ARHGAP40: variants seen among roughly 807,000 people sequenced by gnomAD.
The protein encoded by ARHGAP40 is Rho GTPase activating protein 40.
In ARHGAP40, 43 loss-of-function variants were observed where a neutral mutation model predicts 73.5. The observed-to-expected ratio is 0.58, with a 90% CI of 0.46 to 0.75. ARHGAP40 has a LOEUF of 0.75. ARHGAP40 is among the 30% of genes least tolerant of loss of function. ARHGAP40 has a pLI of 0.00. For synonymous variants in ARHGAP40, 300 were observed against 352.8 expected (o/e 0.85, Z 1.68); for missense variants, 734 against 861.8 (o/e 0.85, Z 1.86).
intron 10 of ARHGAP40, among the ~76,000 whole-genome samples, chr20:38,642,787 A>G (rs1424429536): frequency 1.3e-5 from 2 of 152,076 alleles, no homozygotes; most frequent in South Asian, 4.1e-4. Flanking sequence ...CTTACTGGCT[A>G]TATGACTCTT....
chr20:38,607,212 A>G (rs559354051), intron 1 of ARHGAP40, among the ~76,000 whole-genome samples: 8 of 152,332 alleles, frequency 5.3e-5, no homozygotes, highest in African/African-American at 1.9e-4. Context: ...TTGGCATAGC[A>G]GAAAAATTTG....
intron 1 of ARHGAP40, among the ~76,000 whole-genome samples, chr20:38,620,756 C>G (rs2088869549): frequency 6.6e-6 from 1 of 152,172 alleles, no homozygotes; most frequent in Admixed American, 6.5e-5. Flanking sequence ...GAGGTTGTGC[C>G]CTGTCCCTTC....
chr20:38,646,214 G>A lies in ARHGAP40; in HGVS notation c.1710+27G>A, dbSNP rs774374276. The A allele has an allele frequency of 3.5e-5, 45 of 1,285,124 alleles. No individual in the cohort carries two copies. Among genetic ancestry groups the A allele is most frequent in the Non-Finnish European group, 4.3e-5 (42 of 976,636 alleles). 79.6% of individuals were successfully genotyped at this position (1,285,124 alleles called of 1,614,324 possible). On this transcript the variant is annotated intron_variant, in intron 12 of 14. Coordinates refer to ENST00000373345, the Ensembl canonical transcript of ARHGAP40. This position sits in a 1 kb window ranked among gnomAD's most constrained non-coding sequence, Gnocchi z 4.5. ...TGAGTGCCCCCGACCCCAGACAGGTGGAGAAGGGCCGAGGCGACAGGAGGG... is the reference window on the plus strand; with the variant it reads ...TGAGTGCCCCCGACCCCAGACAGGTAGAGAAGGGCCGAGGCGACAGGAGGG...
intron 7 of ARHGAP40, among the ~76,000 whole-genome samples, chr20:38,638,271 C>T (rs1268704752): frequency 2.6e-5 from 4 of 151,806 alleles, no homozygotes; most frequent in Non-Finnish European, 5.9e-5. Flanking sequence ...GCCGAGATCG[C>T]GCCACTGCAC....
At chr20:38,623,754 C>T (rs895418566) in intron 2 of ARHGAP40, among the ~76,000 whole-genome samples, 196 bp downstream of exon 2, 2 of 152,192 alleles carry the variant, frequency 1.3e-5, no homozygotes, top group African/African-American at 4.8e-5. Context: ...ATAGTCAAGA[C>T]GATCTTTTAG....
intron 5 of ARHGAP40, among the ~76,000 whole-genome samples, chr20:38,634,001 G>A (rs760036294): frequency 2.4e-4 from 37 of 152,184 alleles, no homozygotes; most frequent in African/African-American, 6.3e-4. Context: ...TTGGGGCTTC[G>A]CTATGTGCTT....
intron 2 of ARHGAP40, 41 bp downstream of exon 2, chr20:38,623,599 G>A: frequency 8.0e-7 from 1 of 1,243,054 alleles, no homozygotes; most frequent in Non-Finnish European, 1.0e-6. Flanking sequence ...TGGTGGGAGG[G>A]CTTGATTCCA....
intron 1 of ARHGAP40, among the ~76,000 whole-genome samples, chr20:38,619,227 G>A (rs1381964154): frequency 6.6e-6 from 1 of 152,120 alleles, no homozygotes; most frequent in East Asian, 1.9e-4. Context: ...AAGGCATTTG[G>A]ATTTTATCCT....
intron 1 of ARHGAP40, among the ~76,000 whole-genome samples, chr20:38,606,961 A>T (rs1601131346): frequency 1.3e-5 from 2 of 152,204 alleles, no homozygotes; most frequent in African/African-American, 4.8e-5. Context: ...GAAGTTACTT[A>T]ACCTTTCTGA....
At chr20:38,648,613 G>T in intron 13 of ARHGAP40, 30 bp from the exon 14 acceptor site, 1 of 1,072,010 alleles carries the variant, frequency 9.3e-7, no homozygotes, top group Admixed American at 2.7e-5. Flanking sequence ...AAAGGCAGTA[G>T]TTTTTTTTTT....
rs186207347 is a variant in ARHGAP40 at position 38,603,823 on chromosome 20, G to A, written c.137+1744G>A. Among the ~76,000 whole-genome samples the A allele has an allele frequency of 1.2e-4, 18 of 152,224 alleles. No individual in the cohort carries two copies. The East Asian group carries it at 2.3e-3, about 20-fold the overall frequency. ...ATTCCTTGGCTGATGGTCCTCTTCC[G>A]TCTTCAAAGGCAGCTCTGTAACATC... On this transcript the variant is annotated intron_variant, in intron 1 of 14. Coordinates refer to ENST00000373345, the Ensembl canonical transcript of ARHGAP40.
intron 13 of ARHGAP40, 22 bp downstream of exon 13, chr20:38,647,148 C>A: frequency 7.7e-7 from 1 of 1,298,296 alleles, no homozygotes. Context: ...CTCCTGGAGG[C>A]AGGAGCCTCT....
intron 1 of ARHGAP40, among the ~76,000 whole-genome samples, chr20:38,605,808 G>A (rs1372617705): frequency 1.3e-5 from 2 of 152,150 alleles, no homozygotes; most frequent in African/African-American, 4.8e-5. Flanking sequence ...GAATTGGTTT[G>A]TATTATGTAT....
chr20:38,623,397 A>G (rs374267380), exon 2 of ARHGAP40: 1 of 1,290,860 alleles, frequency 7.7e-7, no homozygotes. Flanking sequence ...CAGCTTCCCC[A>G]GAAGAATCTC....
chr20:38,627,480 T>TTGGTGTGTGC (rs1568607650), intron 3 of ARHGAP40, among the ~76,000 whole-genome samples: 14 of 148,838 alleles, frequency 9.4e-5, no homozygotes, highest in Non-Finnish European at 1.5e-4. Context: ...GGGGTGTGTG[T>TTGGTGTGTGC]ATGTTGGTGT....
In ARHGAP40 at chr20:38,629,493, G is replaced by C. The variant is rs965924110; in HGVS notation, c.635-9G>C. 2 of 1,305,014 alleles carry C rather than the reference G, an allele frequency of 1.5e-6. No homozygotes were observed. The highest frequency in any genetic ancestry group is 1.2e-5 in the South Asian group (1 of 80,998). The allele number at this position is 1,305,014 out of a possible 1,614,324, so 80.8% of individuals were successfully genotyped here. On this transcript the variant is annotated splice_polypyrimidine_tract_variant and intron_variant, in intron 4 of 14. Transcript: ENST00000373345. ...TGCCTTTCTCTGCTTTGTTTCCCCC[G>C]CCCCGCAGCAGCAGAGCCTGGGGGG...
chr20:38,646,602 A>T lies in ARHGAP40; in HGVS notation c.1711-355A>T, dbSNP rs76162476. Among the ~76,000 whole-genome samples the T allele has an allele frequency of 5.3e-3, 805 of 152,282 alleles. 6 individuals are homozygous for T. Among genetic ancestry groups the T allele is most frequent in the Non-Finnish European group, 9.1e-3 (616 of 68,022 alleles). ...AACACGGTTCCTTATTAAAGTCCCGATTAGAGAAATTGATGAGCGTTGAGG... is the reference window on the plus strand; with the variant it reads ...AACACGGTTCCTTATTAAAGTCCCGTTTAGAGAAATTGATGAGCGTTGAGG... On this transcript the variant is annotated intron_variant, in intron 12 of 14. Transcript: ENST00000373345. This position sits in a 1 kb window ranked among gnomAD's most constrained non-coding sequence, Gnocchi z 4.5.
In ARHGAP40 at chr20:38,638,811, G is replaced by C. The variant is rs1390483069; in HGVS notation, c.1092G>C (p.Arg364Ser). 3.1e-6 allele frequency: 4 copies of C among 1,305,420 alleles called. No individual in the cohort carries two copies. The highest frequency in any genetic ancestry group is 4.0e-6 in the Non-Finnish European group (4 of 988,974). The allele number at this position is 1,305,420 out of a possible 1,614,324, so 80.9% of individuals were successfully genotyped here. The change falls in exon 8 of 15, where the codon AGG becomes AGC. Residue 364 changes from arginine (R) to serine (S), a missense_variant. Physicochemically the swap from Arg to Ser is moderately radical, Grantham distance 110 (BLOSUM62 -1). Transcript: ENST00000373345. ...GACTGGACATGGAAGGCATTCTCAG[G>C]GTGCCCGGATCCCAGGCCAGGGTCA...
At chr20:38,628,366 G>A (rs373884061) in intron 3 of ARHGAP40, among the ~76,000 whole-genome samples, 10 of 151,410 alleles carry the variant, frequency 6.6e-5, no homozygotes, top group African/African-American at 2.4e-4. Flanking sequence ...GTGCAGTGGC[G>A]ACATCTCGAC....
Sources: allele counts gnomAD v4.1 joint callset (sites outside exome capture counted in the v4.1 genomes callset), GRCh38; gene constraint gnomAD v4.1.1; non-coding constraint Gnocchi (gnomAD v3.1); transcripts MANE v1.5; gene names NCBI Gene and HGNC (gene_info 2026-07-23, HGNC 2026-07-21).